DNAH2: variants seen among roughly 807,000 people sequenced by gnomAD.
DNAH2 encodes axonemal beta dynein heavy chain 2.
A neutral mutation model predicts 523.5 loss-of-function variants in DNAH2; 323 were observed. The ratio of observed to expected loss-of-function variants is 0.62; its 90% CI spans 0.56 to 0.68. DNAH2 has a LOEUF of 0.68. DNAH2 is among the 30% of genes least tolerant of loss of function. The pLI is 0.00. For synonymous variants in DNAH2, 2,093 were observed against 2,177.4 expected, an observed-to-expected ratio of 0.96 and a Z score of 1.08; for missense variants, 4,907 against 5,701.5, an observed-to-expected ratio of 0.86 and a Z score of 4.49.
rs557527139 is a variant in DNAH2, at chr17:7,743,162, C to T, written c.1904+20C>T. On this transcript the variant is annotated intron_variant, in intron 12 of 85. Coordinates refer to ENST00000572933, the MANE Select transcript of DNAH2 (RefSeq NM_020877.5). ...TGACAAGTACAGGAGCCACCTGGCC[C>T]CTTTTCCCTATACTCCCCTTCTGCA... The T allele has an allele frequency of 2.9e-5, 47 of 1,610,444 alleles. No homozygotes were observed. The highest frequency in any genetic ancestry group is 4.0e-5 in the Non-Finnish European group (47 of 1,178,886).
chr17:7,788,272 G>C (rs1448708002), intron 44 of DNAH2, 28 bp downstream of exon 44: 1 of 1,535,046 alleles, frequency 6.5e-7, no homozygotes, highest in Non-Finnish European at 8.8e-7. Flanking sequence ...ACCACGGGCA[G>C]GGGCAGGGGG....
chr17:7,779,167 G>C (rs1314417195), intron 35 of DNAH2, 76 bp from the exon 36 acceptor site: 7 of 1,549,354 alleles, frequency 4.5e-6, no homozygotes, highest in East Asian at 4.6e-5. Flanking sequence ...ACATTTGAAG[G>C]AAGGGTGCGT....
At chr17:7,819,652 G>A (rs1424139821) in intron 72 of DNAH2, among the ~76,000 whole-genome samples, 2 of 152,236 alleles carry the variant, frequency 1.3e-5, no homozygotes, top group Admixed American at 6.5e-5. Flanking sequence ...GGAGATACCA[G>A]CACTGCCCAG....
chr17:7,734,654 C>T lies in DNAH2; in HGVS notation c.924C>T (p.His308=), dbSNP rs1465916435. The T allele has an allele frequency of 6.2e-7, 1 of 1,613,014 alleles. No individual in the cohort carries two copies. The highest frequency in any genetic ancestry group is 1.3e-5 in the African/African-American group (1 of 74,660). The change falls in exon 7 of 86, where the codon CAC becomes CAT. Residue 308 remains histidine (H), a synonymous_variant. Transcript: ENST00000572933. ...KGVKHVESIL[H]LAKSSYLAPF... ...TGAAGCACGTTGAATCCATCCTGCACCTTGCCAAGTCGTCCTACTTGGCGC... is the reference window on the plus strand; with the variant it reads ...TGAAGCACGTTGAATCCATCCTGCATCTTGCCAAGTCGTCCTACTTGGCGC...
chr17:7,792,998 G>A lies in DNAH2; in HGVS notation c.7362G>A (p.Val2454=), dbSNP rs1484865459. The part of the protein sequence containing the change: ...NMSAQTTSNN[V]QSIIESRVEK... ...TTCACCAGACCACATCCAATAACGT[G>A]CAGAGCATCATTGAGAGCAGGGTTG... is the stretch of plus-strand genomic sequence containing the variant. Residue 2454 remains valine (V), a synonymous_variant, in exon 48 of 86, where the codon GTG becomes GTA. Transcript: ENST00000572933. 6.2e-7 allele frequency: 1 copy of A among 1,612,464 alleles called. No homozygotes were observed. The highest frequency in any genetic ancestry group is 2.2e-5 in the East Asian group (1 of 44,824).
At chr17:7,771,509 G>A (rs756517821) in intron 28 of DNAH2, 41 bp downstream of exon 28, 62 of 1,610,402 alleles carry the variant, frequency 3.8e-5, no homozygotes, top group Non-Finnish European at 4.8e-5. Context: ...AGCCTCGGCA[G>A]GCACTCTGCT....
In DNAH2 at chr17:7,824,845, C is replaced by T. The variant is rs572838198; in HGVS notation, c.11853+118C>T. 24 of 871,348 alleles carry T rather than the reference C, an allele frequency of 2.8e-5. No homozygotes were observed. In the East Asian group the frequency reaches 4.4e-4, roughly 16 times the overall value. The allele number at this position is 871,348 out of a possible 1,614,324, so 54.0% of individuals were successfully genotyped here. ...TGATTTGATTGTCCTCAAAAAATTC[C>T]ACCTCATTCCTCTCCTGTTTGTGCC... On this transcript the variant is annotated intron_variant, in intron 77 of 85. Coordinates refer to ENST00000572933, the MANE Select transcript of DNAH2 (RefSeq NM_020877.5).
At position 7,780,755 on chromosome 17, in the gene DNAH2, C is replaced by T. The variant is rs149884894; in HGVS notation, c.5976C>T (p.Arg1992=). ...TGCGCTATGCTGGCAAGAAGCGCCG[C>T]CTACAGCCGGATCTGACTGATGAAG... ...SLLRYAGKKR[R]LQPDLTDEEV... Residue 1992 remains arginine (R), a synonymous_variant, in exon 38 of 86, where the codon CGC becomes CGT. Transcript: ENST00000572933. This position sits in a 1 kb window ranked among gnomAD's most constrained non-coding sequence, Gnocchi z 4.4. 1.2e-5 allele frequency: 20 copies of T among 1,614,144 alleles called. No homozygotes were observed. In the African/African-American group the frequency reaches 2.0e-4, roughly 16 times the overall value.
chr17:7,766,241 A>C, intron 21 of DNAH2, 77 bp from the exon 22 acceptor site: 1 of 1,516,996 alleles, frequency 6.6e-7, no homozygotes, highest in Non-Finnish European at 9.0e-7. Flanking sequence ...AGATTTGCCC[A>C]CAAAGAGATA....
At position 7,759,516 on chromosome 17, in the gene DNAH2, C is replaced by A; in HGVS notation, c.2543C>A (p.Ser848Tyr). ...LNVKWSLLEL[S>Y]KAINGDGKTS... The stretch of plus-strand genomic sequence containing the variant: ...GTGAAGTGGTCACTGCTAGAACTAT[C>A]CAAGGCTATCAACGGGGATGGAAAG... The change falls in exon 16 of 86, where the codon TCC becomes TAC. Residue 848 changes from serine (S) to tyrosine (Y), a missense_variant. Coordinates refer to ENST00000572933, the MANE Select transcript of DNAH2 (RefSeq NM_020877.5). The A allele has an allele frequency of 6.2e-7, 1 of 1,614,184 alleles. No homozygotes were observed. Among genetic ancestry groups the A allele is most frequent in the African/African-American group, 1.3e-5 (1 of 75,040 alleles).
chr17:7,738,166 A>T (rs2075198014), intron 8 of DNAH2: 1 of 700,266 alleles, frequency 1.4e-6, no homozygotes, highest in Non-Finnish European at 2.6e-6. Context: ...CTCCCTTGTC[A>T]GCCCTGTAAG....
Position 7,778,130 on chromosome 17 carries a change from T to C in DNAH2, c.5301T>C (p.Tyr1767=), listed in dbSNP as rs2076506605. The change falls in exon 34 of 86, where the codon TAT becomes TAC. Residue 1767 remains tyrosine, a synonymous_variant. Transcript: ENST00000572933. ...CCAACACGCAATTTCAGTATAATTA[T>C]GAGTACTTGGGTAACTCGGGCCGGC... ...RQTNTQFQYN[Y]EYLGNSGRLV... 6.2e-7 allele frequency: 1 copy of C among 1,614,214 alleles called. No individual in the cohort carries two copies. The highest frequency in any genetic ancestry group is 8.5e-7 in the Non-Finnish European group (1 of 1,180,038).
At position 7,831,762 on chromosome 17, in the gene DNAH2, C is replaced by T. The variant is rs544012238; in HGVS notation, c.12713C>T (p.Pro4238Leu). 2.0e-5 allele frequency: 32 copies of T among 1,613,832 alleles called. No individual in the cohort carries two copies. Among genetic ancestry groups the T allele is most frequent in the African/African-American group, 1.1e-4 (8 of 75,026 alleles). ...FNCIFDAHVP[P>L]LWGKAYPSQK... ...TGCATCTTTGATGCCCATGTTCCTC[C>T]GCTCTGGGGAAAGGCAAGATTATAC... is the stretch of plus-strand genomic sequence containing the variant. The change falls in exon 82 of 86, where the codon CCG becomes CTG. Residue 4238 changes from proline (P) to leucine (L), a missense_variant. By Grantham distance (98) the Pro-to-Leu change is moderately conservative. This residue lies in a region of DNAH2 where 1,851 missense variants were observed against 2,139.4 expected (regional missense o/e 0.87). Transcript: ENST00000572933. The surrounding 1 kb of genome is among the most constrained non-coding windows in gnomAD (Gnocchi z 4.2).
In DNAH2 at chr17:7,776,791, G is replaced by T. The variant is rs2076464873; in HGVS notation, c.4960G>T (p.Ala1654Ser). 1.2e-6 allele frequency: 2 copies of T among 1,612,328 alleles called. No homozygotes were observed. Among genetic ancestry groups the T allele is most frequent in the Non-Finnish European group, 1.7e-6 (2 of 1,178,838 alleles). The change falls in exon 32 of 86, where the codon GCC becomes TCC. Residue 1654 changes from alanine (A) to serine (S), a missense_variant. Coordinates refer to ENST00000572933, the MANE Select transcript of DNAH2 (RefSeq NM_020877.5). ...TGCACATCCCCAGGTGGTGATCACT[G>T]CCAGTCAGATCCAGTGGACGGCTGA... is the stretch of plus-strand genomic sequence containing the variant. ...KEWAGQVVIT[A>S]SQIQWTADVT...
At chr17:7,790,096 C>A (rs1234073298) in intron 44 of DNAH2, among the ~76,000 whole-genome samples, 1 of 152,138 alleles carries the variant, frequency 6.6e-6, no homozygotes, top group East Asian at 1.9e-4. Flanking sequence ...CTCCAAGAGG[C>A]CTGAGAGAGG....
intron 50 of DNAH2, 70 bp from the exon 51 acceptor site, chr17:7,797,101 CAAAAA>C (rs75682576): frequency 4.4e-4 from 386 of 876,814 alleles, no homozygotes; most frequent in African/African-American, 5.0e-4. Flanking sequence ...GACTCTGTCC[CAAAAA>C]AAAAAAAAAA....
chr17:7,786,943 C>G lies in DNAH2; in HGVS notation c.6513C>G (p.Asp2171Glu). Residue 2171 changes from aspartate to glutamate, a missense_variant, in exon 42 of 86, where the codon GAC (aspartate) becomes GAG (glutamate). Physicochemically the swap from Asp to Glu is conservative, Grantham distance 45. Transcript: ENST00000572933. This position sits in a 1 kb window ranked among gnomAD's most constrained non-coding sequence, Gnocchi z 7.5. ...GGATCCTGTTCGATGGCCCCGTGGACACACTGTGGATCGAGAACATGAACT... is the reference window on the plus strand; with the variant it reads ...GGATCCTGTTCGATGGCCCCGTGGAGACACTGTGGATCGAGAACATGAACT... Reference protein sequence around the residue: ...EKWILFDGPVDTLWIENMNSV... With the variant: ...EKWILFDGPVETLWIENMNSV... 6.2e-7 allele frequency: 1 copy of G among 1,614,220 alleles called. No individual in the cohort carries two copies. Among genetic ancestry groups the G allele is most frequent in the Non-Finnish European group, 8.5e-7 (1 of 1,180,038 alleles).
At chr17:7,719,601 A>G in intron 1 of DNAH2, 120 bp from the exon 2 acceptor site, 2 of 1,281,116 alleles carry the variant, frequency 1.6e-6, no homozygotes, top group Non-Finnish European at 2.2e-6. Flanking sequence ...GGGTACCACC[A>G]GAAAAGATGA....
chr17:7,735,327 C>T (rs749638450), intron 7 of DNAH2, among the ~76,000 whole-genome samples: 1 of 152,148 alleles, frequency 6.6e-6, no homozygotes, highest in African/African-American at 2.4e-5. Context: ...GACGGGGTTT[C>T]ACCGTGTTAG....
Sources: gnomAD v4.1 joint callset for allele counts (sites outside exome capture counted in the v4.1 genomes callset) on GRCh38, gnomAD v4.1.1 for gene constraint, gnomAD v4.1.1 regional missense constraint, Gnocchi (gnomAD v3.1) non-coding constraint, MANE v1.5 for transcripts, NCBI Gene and HGNC (gene_info 2026-07-23, HGNC 2026-07-21) for gene names.